The following ABCC1 variants were observed in gnomAD, a reference collection of about 807,000 sequenced individuals.
The protein encoded by ABCC1 is multidrug resistance-associated protein 1.
A neutral mutation model predicts 172.9 loss-of-function variants in ABCC1; 83 were observed. That is an observed-to-expected ratio of 0.48 (90% CI 0.40 to 0.58). The LOEUF (loss-of-function observed/expected upper bound fraction) is 0.58. ABCC1 is among the 20% of genes least tolerant of loss of function. The pLI is 0.00. For missense variants in ABCC1, 1,817 were observed against 2,002.7 expected (o/e 0.91, Z 1.77); for synonymous variants, 937 against 825.2 (o/e 1.14, Z -2.32).
intron 23 of ABCC1, among the ~76,000 whole-genome samples, chr16:16,119,690 A>G (rs1425567802): frequency 6.6e-6 from 1 of 152,194 alleles, no homozygotes; most frequent in Non-Finnish European, 1.5e-5. Flanking sequence ...GACTGTCTTA[A>G]AAAATAAAAT....
intron 24 of ABCC1, among the ~76,000 whole-genome samples, chr16:16,124,411 ATGTG>A (rs980164516): frequency 5.4e-5 from 3 of 55,654 alleles, no homozygotes; most frequent in African/African-American, 1.9e-4. Context: ...GTGTGTGTGT[ATGTG>A]TGTGTGTGTG....
chr16:16,029,937 C>T (rs953323815), intron 5 of ABCC1, among the ~76,000 whole-genome samples: 5 of 152,170 alleles, frequency 3.3e-5, no homozygotes, highest in African/African-American at 1.2e-4. Flanking sequence ...TGTGTTTGTA[C>T]AATGGCTCAT....
intron 1 of ABCC1, among the ~76,000 whole-genome samples, chr16:15,958,407 G>GCC: frequency 6.6e-6 from 1 of 152,146 alleles, no homozygotes; most frequent in African/African-American, 2.4e-5. Context: ...ACCGTGCCTG[G>GCC]CCTGTTGCCT....
chr16:16,046,931 A>T (rs1324952551), intron 9 of ABCC1, among the ~76,000 whole-genome samples: 2 of 151,834 alleles, frequency 1.3e-5, no homozygotes, highest in African/African-American at 4.8e-5. Flanking sequence ...ACTGTAGCTC[A>T]TGCCTGTAAT....
chr16:16,008,015 T>A, intron 2 of ABCC1, 23 bp downstream of exon 2: 1 of 515,862 alleles, frequency 1.9e-6, no homozygotes, highest in Non-Finnish European at 3.5e-6. Context: ...GGGGTTTCGT[T>A]GTGGGGGGTG....
At chr16:15,962,532 G>C (rs937354308) in intron 1 of ABCC1, among the ~76,000 whole-genome samples, 2 of 152,190 alleles carry the variant, frequency 1.3e-5, no homozygotes, top group African/African-American at 4.8e-5. Context: ...GTTTATAAAG[G>C]AAAGAGGTTT....
At chr16:15,982,877 T>G (rs1260195285) in intron 1 of ABCC1, among the ~76,000 whole-genome samples, 1 of 149,500 alleles carries the variant, frequency 6.7e-6, no homozygotes, top group Non-Finnish European at 1.5e-5. Context: ...CAGGCTGAAT[T>G]TGGCCCACAG....
chr16:16,098,888 A>G (rs765137226), intron 19 of ABCC1: 1 of 1,352,108 alleles, frequency 7.4e-7, no homozygotes, highest in East Asian at 4.5e-5. Flanking sequence ...ACAGTGATGG[A>G]CGAGGAGGAA....
chr16:16,008,999 G>A (rs2151730295), intron 2 of ABCC1, among the ~76,000 whole-genome samples: 1 of 149,184 alleles, frequency 6.7e-6, no homozygotes, highest in East Asian at 2.0e-4. Context: ...TGCCCAGGCT[G>A]GAGTGCAATG....
At chr16:16,041,677 G>A (rs1025095344) in intron 7 of ABCC1, among the ~76,000 whole-genome samples, 3 of 152,132 alleles carry the variant, frequency 2.0e-5, no homozygotes, top group South Asian at 2.1e-4. Flanking sequence ...AATGCAGCTC[G>A]TGCAGCTCTG....
chr16:16,056,317 C>T (rs767444834), intron 12 of ABCC1, 22 bp downstream of exon 12: 3 of 1,613,550 alleles, frequency 1.9e-6, no homozygotes, highest in Non-Finnish European at 8.5e-7. Context: ...CACATTTTTC[C>T]TGGCCCTCAT....
At chr16:16,034,943 T>G (rs868790850) in intron 6 of ABCC1, among the ~76,000 whole-genome samples, 1 of 152,184 alleles carries the variant, frequency 6.6e-6, no homozygotes, top group East Asian at 1.9e-4. Context: ...GTGTGTGTGT[T>G]TGTGTGTGCA....
intron 12 of ABCC1, among the ~76,000 whole-genome samples, chr16:16,065,385 C>T (rs923277414): frequency 6.6e-6 from 1 of 152,074 alleles, no homozygotes; most frequent in African/African-American, 2.4e-5. Flanking sequence ...CTCAGCCTCC[C>T]TAGTAGCTAG....
chr16:16,022,091 C>G (rs1045099297), intron 5 of ABCC1, among the ~76,000 whole-genome samples: 2 of 152,204 alleles, frequency 1.3e-5, no homozygotes, highest in Non-Finnish European at 2.9e-5. Context: ...AGCAGCAGGC[C>G]ATCCATCACC....
intron 30 of ABCC1, 82 bp from the exon 31 acceptor site, chr16:16,141,091 G>T (rs2046108998): frequency 1.6e-6 from 2 of 1,238,826 alleles, no homozygotes; most frequent in Non-Finnish European, 2.3e-6. Flanking sequence ...CCGAAGCAGT[G>T]ACTTGCCCAG....
At chr16:15,954,036 C>T (rs1179645168) in intron 1 of ABCC1, among the ~76,000 whole-genome samples, 74 of 113,412 alleles carry the variant, frequency 6.5e-4, no homozygotes, top group African/African-American at 2.4e-3. Flanking sequence ...GAGATGGTGT[C>T]TTGCTGTGTC....
intron 2 of ABCC1, among the ~76,000 whole-genome samples, chr16:16,009,294 A>T (rs1195510636): frequency 6.6e-6 from 1 of 151,924 alleles, no homozygotes; most frequent in African/African-American, 2.4e-5. Flanking sequence ...TTGTTTTATC[A>T]TGAGCTTTTG....
Position 16,071,729 on chromosome 16 carries a change from G to C in ABCC1, c.1912G>C (p.Gly638Arg), listed in dbSNP as rs1324068585. 1.2e-6 allele frequency: 2 copies of C among 1,611,944 alleles called. No individual in the cohort carries two copies. Among genetic ancestry groups the C allele is most frequent in the African/African-American group, 2.7e-5 (2 of 74,856 alleles). The change falls in exon 14 of 31, where the codon GGC becomes CGC. Residue 638 changes from glycine (G) to arginine (R), a missense_variant and splice_region_variant. Physicochemically the swap from Gly to Arg is moderately radical, Grantham distance 125. This residue lies in a region of ABCC1 where 1,412 missense variants were observed against 1,600.3 expected (regional missense o/e 0.88). Coordinates refer to ENST00000399410, the MANE Select transcript of ABCC1 (RefSeq NM_004996.4). ...DSIERRPVKD[G>R]GGTNSITVRN... is the part of the protein sequence containing the mutation. ...CATCGAGCGACGGCCTGTCAAAGAC[G>C]GTGTGTGTGTGTTCAGTCCTGGCTT...
At chr16:16,006,004 A>T (rs1430722566) in intron 1 of ABCC1, among the ~76,000 whole-genome samples, 4 of 151,500 alleles carry the variant, frequency 2.6e-5, no homozygotes, top group Admixed American at 6.6e-5. Flanking sequence ...GAAAAAAAAA[A>T]ATAAAAATAA....
Sources: gnomAD v4.1 joint callset for allele counts (sites outside exome capture counted in the v4.1 genomes callset) on GRCh38, gnomAD v4.1.1 for gene constraint, gnomAD v4.1.1 regional missense constraint, MANE v1.5 for transcripts, NCBI Gene and HGNC (gene_info 2026-07-23, HGNC 2026-07-21) for gene names.